The following PGPEP1L variants were observed in gnomAD, a reference collection of about 807,000 sequenced individuals.
PGPEP1L encodes the protein pyroglutamyl-peptidase 1-like protein.
PGPEP1L carries 7 observed loss-of-function variants against 6.0 expected under a neutral mutation model. That is an observed-to-expected ratio of 1.17 (90% CI 0.66 to 2.19). PGPEP1L has a LOEUF of 2.19. PGPEP1L is among the 30% of genes most tolerant of loss of function. The pLI is 0.00. For missense variants in PGPEP1L, 209 were observed against 192.5 expected (o/e 1.09, Z -0.51); for synonymous variants, 103 against 83.9 (o/e 1.23, Z -1.24).
In PGPEP1L at chr15:98,968,404, G is replaced by T; in HGVS notation, c.*74C>A. The T allele has an allele frequency of 6.9e-7, 1 of 1,457,716 alleles. No individual in the cohort carries two copies. The highest frequency in any genetic ancestry group is 9.3e-7 in the Non-Finnish European group (1 of 1,069,726). The allele number at this position is 1,457,716 out of a possible 1,614,324, so 90.3% of individuals were successfully genotyped here. ...TGTCTTACAAGCAATTTTTGAAAAAGTTTCTCAATGCACAGTTGAGTGCTA... is the reference window on the plus strand; with the variant it reads ...TGTCTTACAAGCAATTTTTGAAAAATTTTCTCAATGCACAGTTGAGTGCTA... On this transcript the variant is annotated 3_prime_UTR_variant, in exon 5 of 5. Transcript: ENST00000535714.
At chr15:98,989,543 T>C (rs182880231) in intron 2 of PGPEP1L, among the ~76,000 whole-genome samples, 4 of 152,344 alleles carry the variant, frequency 2.6e-5, no homozygotes, top group Admixed American at 6.5e-5. Context: ...TGGAACCAAG[T>C]TGGAAAACAC....
At chr15:98,989,214 T>C (rs1415348241) in intron 2 of PGPEP1L, among the ~76,000 whole-genome samples, 1 of 152,058 alleles carries the variant, frequency 6.6e-6, no homozygotes, top group African/African-American at 2.4e-5. Flanking sequence ...TCTAACCCAA[T>C]GTAAGGAAGC....
At chr15:99,000,361 C>T (rs567285161) in intron 2 of PGPEP1L, among the ~76,000 whole-genome samples, 2 of 152,334 alleles carry the variant, frequency 1.3e-5, no homozygotes, top group South Asian at 2.1e-4. Flanking sequence ...CCAGTCCCAT[C>T]GACCACCCCA....
At chr15:98,975,183 A>T (rs1379860856) in intron 2 of PGPEP1L, among the ~76,000 whole-genome samples, 2 of 152,244 alleles carry the variant, frequency 1.3e-5, no homozygotes, top group Non-Finnish European at 2.9e-5. Context: ...ACATGGATAG[A>T]ACTGGAGGTC....
intron 2 of PGPEP1L, among the ~76,000 whole-genome samples, chr15:98,999,631 T>G (rs1032061263): frequency 6.6e-5 from 10 of 152,248 alleles, no homozygotes; most frequent in Admixed American, 3.3e-4. Context: ...AAAACGTTCA[T>G]AGAAGCTTTA....
At chr15:98,975,496 A>C (rs2151755674) in intron 2 of PGPEP1L, among the ~76,000 whole-genome samples, 1 of 152,336 alleles carries the variant, frequency 6.6e-6, no homozygotes, top group African/African-American at 2.4e-5. Flanking sequence ...CAAAGAAATA[A>C]GTGTTTGAGA....
intron 3 of PGPEP1L, 101 bp from the exon 4 acceptor site, chr15:98,969,752 T>A: frequency 8.1e-7 from 1 of 1,240,312 alleles, no homozygotes; most frequent in Non-Finnish European, 1.2e-6. Flanking sequence ...CCCGGCTCTG[T>A]GCAAAACATC....
intron 2 of PGPEP1L, among the ~76,000 whole-genome samples, chr15:99,004,055 C>G (rs1374732016): frequency 6.8e-6 from 1 of 147,480 alleles, no homozygotes; most frequent in Non-Finnish European, 1.5e-5. Flanking sequence ...CCAGGAAACC[C>G]TGCCTCTTCA....
intron 3 of PGPEP1L, among the ~76,000 whole-genome samples, 168 bp from the exon 4 acceptor site, chr15:98,969,819 A>C (rs2017467341): frequency 6.6e-6 from 1 of 152,160 alleles, no homozygotes; most frequent in Non-Finnish European, 1.5e-5. Context: ...CTCCTAATTA[A>C]TATGGCTGGA....
chr15:98,974,712 C>T (rs1463949701), intron 2 of PGPEP1L, among the ~76,000 whole-genome samples: 3 of 152,184 alleles, frequency 2.0e-5, no homozygotes, highest in Non-Finnish European at 2.9e-5. Context: ...GCCTGGCCAA[C>T]ATGGTGAAAC....
chr15:98,968,425 T>C lies in PGPEP1L; in HGVS notation c.*53A>G. On this transcript the variant is annotated 3_prime_UTR_variant, in exon 5 of 5. Transcript: ENST00000535714. ...AAAAGTTTCTCAATGCACAGTTGAG[T>C]GCTACATACAGGATTGAAACATTCA... 6.5e-7 allele frequency: 1 copy of C among 1,548,500 alleles called. No individual in the cohort carries two copies. The highest frequency in any genetic ancestry group is 8.8e-7 in the Non-Finnish European group (1 of 1,135,102).
At chr15:99,002,277 T>A (rs2017983835) in intron 2 of PGPEP1L, among the ~76,000 whole-genome samples, 3 of 152,198 alleles carry the variant, frequency 2.0e-5, no homozygotes, top group Admixed American at 6.5e-5. Flanking sequence ...ATTACAGGTG[T>A]GAGTCATTGT....
At position 99,000,108 on chromosome 15, in the gene PGPEP1L, G is replaced by A. The variant is rs1189586256; in HGVS notation, c.-142+5321C>T. ...GTGCTTGCGGGCCAGCGCGAATTCC[G>A]GGTGGGCGTGGGCTCCGCGGGCCCC... On this transcript the variant is annotated intron_variant, in intron 2 of 4. Transcript: ENST00000535714. Among the ~76,000 whole-genome samples, 5 of 152,242 alleles carry A rather than the reference G, an allele frequency of 3.3e-5. No homozygotes were observed. The East Asian group carries it at 7.7e-4, about 23-fold the overall frequency.
chr15:98,991,653 A>G (rs2017821618), intron 2 of PGPEP1L, among the ~76,000 whole-genome samples: 1 of 152,204 alleles, frequency 6.6e-6, no homozygotes, highest in African/African-American at 2.4e-5. Context: ...AACAACAAAA[A>G]AAGAGAATTT....
intron 2 of PGPEP1L, among the ~76,000 whole-genome samples, 185 bp downstream of exon 2, chr15:99,005,244 T>C (rs556005797): frequency 8.3e-4 from 127 of 152,266 alleles, no homozygotes; most frequent in African/African-American, 2.4e-3. Flanking sequence ...ATGCCTGTGA[T>C]CCTGATTGTT....
intron 2 of PGPEP1L, among the ~76,000 whole-genome samples, chr15:99,001,763 G>GCTGGAGT (rs1555473088): frequency 6.6e-6 from 1 of 152,150 alleles, no homozygotes; most frequent in Non-Finnish European, 1.5e-5. Flanking sequence ...TGTCACGTAG[G>GCTGGAGT]CTGGAGTGCA....
chr15:99,002,910 GTC>G (rs1325586966), intron 2 of PGPEP1L, among the ~76,000 whole-genome samples: 4 of 152,174 alleles, frequency 2.6e-5, no homozygotes, highest in South Asian at 4.1e-4. Context: ...CTAAATGTCA[GTC>G]TCTGAGAACC....
At chr15:98,970,091 C>T (rs2017472130) in intron 3 of PGPEP1L, among the ~76,000 whole-genome samples, 1 of 152,048 alleles carries the variant, frequency 6.6e-6, no homozygotes, top group South Asian at 2.1e-4. Flanking sequence ...CTGTATCACC[C>T]AGGCTGGAGT....
At chr15:98,985,028 C>T (rs905617409) in intron 2 of PGPEP1L, among the ~76,000 whole-genome samples, 4 of 152,094 alleles carry the variant, frequency 2.6e-5, no homozygotes, top group African/African-American at 9.7e-5. Context: ...CTGGTCACCA[C>T]GCACACGGCC....
Sources: gnomAD v4.1 joint callset for allele counts (sites outside exome capture counted in the v4.1 genomes callset) on GRCh38, gnomAD v4.1.1 for gene constraint, MANE v1.5 for transcripts, NCBI Gene and HGNC (gene_info 2026-07-23, HGNC 2026-07-21) for gene names.